The following CSNK1E variants were observed in gnomAD, a reference collection of about 807,000 sequenced individuals.
CSNK1E encodes the protein casein kinase 1 epsilon.
A neutral mutation model predicts 46.1 loss-of-function variants in CSNK1E; 17 were observed. The ratio of observed to expected loss-of-function variants is 0.37; its 90% CI spans 0.25 to 0.55. CSNK1E has a LOEUF of 0.55. Among genes scored for constraint, CSNK1E ranks in the 20% least tolerant of loss-of-function variants. The pLI is 0.82. For synonymous variants in CSNK1E, 241 were observed against 242.6 expected, an observed-to-expected ratio of 0.99 and a Z score of 0.06; for missense variants, 386 against 595.4, an observed-to-expected ratio of 0.65 and a Z score of 3.66.
chr22:38,317,684 C>A (rs1040162517), upstream of CSNK1E, among the ~76,000 whole-genome samples: 3 of 150,926 alleles, frequency 2.0e-5, no homozygotes, highest in African/African-American at 7.3e-5. Flanking sequence ...GCGGGGGGGA[C>A]AGAGGGAAGA....
intron 2 of CSNK1E, among the ~76,000 whole-genome samples, chr22:38,308,768 G>A (rs1240413225): frequency 6.6e-6 from 1 of 152,028 alleles, no homozygotes; most frequent in Non-Finnish European, 1.5e-5. Flanking sequence ...CAGGCTGCAA[G>A]GGCTCCTGGC....
chr22:38,299,396 T>C lies in CSNK1E; in HGVS notation c.737-462A>G, dbSNP rs9622780. Among the ~76,000 whole-genome samples the C allele has an allele frequency of 1.3e-3, 204 of 152,330 alleles. 2 individuals carry two copies. Among genetic ancestry groups the C allele is most frequent in the Middle Eastern group, 0.01 (3 of 294 alleles). ...GCCCTTGGGAGATGAGGCAGGAATG[T>C]AGGCCGGGAAGCAACAGGTGTAACA... On this transcript the variant is annotated intron_variant, in intron 6 of 10. Transcript: ENST00000396832.
At chr22:38,293,891 A>C in intron 9 of CSNK1E, 49 of 542,828 alleles carry the variant, frequency 9.0e-5, no homozygotes, top group Non-Finnish European at 1.2e-4. Flanking sequence ...TTGCCAGGGA[A>C]TGTTACTGCC....
At position 38,307,355 on chromosome 22, in the gene CSNK1E, C is replaced by T. The variant is rs146551706; in HGVS notation, c.77-4107G>A. 3.6e-3 allele frequency among the ~76,000 whole-genome samples: 555 copies of T among 152,150 alleles called. 1 individual carries two copies. The highest frequency in any genetic ancestry group is 0.013 in the African/African-American group (520 of 41,488). On this transcript the variant is annotated intron_variant, in intron 2 of 10. Transcript: ENST00000396832. ...CACCAGGCAAGGAGTTCCAGACCAG[C>T]CTGACCACCATGATGAAACCCCATC...
At chr22:38,299,737 T>A (rs2145834581) in intron 6 of CSNK1E, among the ~76,000 whole-genome samples, 158 bp downstream of exon 6, 2 of 152,366 alleles carry the variant, frequency 1.3e-5, no homozygotes, top group South Asian at 4.1e-4. Context: ...CTCGACCTCC[T>A]GACCTCATGA....
rs372970699 is a variant in CSNK1E at position 38,298,796 on chromosome 22, A to G, written c.875T>C (p.Met292Thr). Residue 292 changes from methionine (M) to threonine (T), a missense_variant, in exon 7 of 11, where the codon ATG becomes ACG. Around this residue, in one of 2 missense-constraint regions of CSNK1E, gnomAD observed 212 missense variants for 410.2 expected, o/e 0.52. Coordinates refer to ENST00000396832, the MANE Select transcript of CSNK1E (RefSeq NM_152221.3). The surrounding 1 kb of genome is among the most constrained non-coding windows in gnomAD (Gnocchi z 4.2). Reference sequence around the variant, plus strand: ...CTCCAGGTGACTCACGAATTTCAGCATGTTCCAGTCAAAGACGTAGTCATA... The same window carrying G: ...CTCCAGGTGACTCACGAATTTCAGCGTGTTCCAGTCAAAGACGTAGTCATA... ...FSYDYVFDWN[M>T]LKFGAARNPE... 3.7e-6 allele frequency: 6 copies of G among 1,614,114 alleles called. No homozygotes were observed. Among genetic ancestry groups the G allele is most frequent in the Non-Finnish European group, 5.1e-6 (6 of 1,179,998 alleles).
Position 38,294,247 on chromosome 22 carries a change from G to A in CSNK1E, c.1080C>T (p.Gly360=), listed in dbSNP as rs746570989. ...GCGAGATCGCTCTGGGAGAAGTATT[G>A]CCTGGAGGGAGAGTGGGAAGCCACC... is the stretch of plus-strand genomic sequence containing the variant. ...STPASRIQPA[G]NTSPRAISRV... The change falls in exon 9 of 11, where the codon GGC becomes GGT. Residue 360 remains glycine (G), a splice_region_variant and synonymous_variant. Transcript: ENST00000396832. This position sits in a 1 kb window ranked among gnomAD's most constrained non-coding sequence, Gnocchi z 5.5. The A allele has an allele frequency of 3.1e-6, 5 of 1,611,470 alleles. No individual in the cohort carries two copies. In the South Asian group the frequency reaches 5.5e-5, roughly 18 times the overall value.
intron 1 of CSNK1E, among the ~76,000 whole-genome samples, chr22:38,314,677 A>T (rs528933796): frequency 6.6e-6 from 1 of 152,294 alleles, no homozygotes; most frequent in African/African-American, 2.4e-5. Flanking sequence ...CCAAGACCTC[A>T]CACGGAGGCC....
At position 38,298,512 on chromosome 22, in the gene CSNK1E, TG is replaced by T; in HGVS notation, c.885+273del. ...GCCGCCAGCACCACCCATGCCCTGCTGCGGGCACCCAGGAGGGACCCCAGGT... is the reference window on the plus strand; with the variant it reads ...GCCGCCAGCACCACCCATGCCCTGCTCGGGCACCCAGGAGGGACCCCAGGT... On this transcript the variant is annotated intron_variant, in intron 7 of 10. Coordinates refer to ENST00000396832, the MANE Select transcript of CSNK1E (RefSeq NM_152221.3). The surrounding 1 kb of genome is among the most constrained non-coding windows in gnomAD (Gnocchi z 4.2). The T allele has an allele frequency of 2.2e-6, 1 of 453,998 alleles. No individual in the cohort carries two copies. 28.1% of individuals were successfully genotyped at this position (453,998 alleles called of 1,614,324 possible). A position where few individuals can be genotyped will look rare whatever the true frequency, so the allele number is the denominator to read the frequency against.
intron 7 of CSNK1E, chr22:38,297,250 G>A (rs2092645846): frequency 2.9e-6 from 2 of 692,816 alleles, no homozygotes; most frequent in African/African-American, 3.5e-5. Flanking sequence ...CGATAAGAAA[G>A]TGCCCAGTGC....
In CSNK1E at chr22:38,300,861, T is replaced by C. The variant is rs748408047; in HGVS notation, c.428A>G (p.Asn143Ser). 3.1e-6 allele frequency: 5 copies of C among 1,614,194 alleles called. No individual in the cohort carries two copies. Among genetic ancestry groups the C allele is most frequent in the Non-Finnish European group, 3.4e-6 (4 of 1,180,026 alleles). Residue 143 changes from asparagine to serine, a missense_variant, in exon 5 of 11, where the codon AAC (asparagine) becomes AGC (serine). Physicochemically the swap from Asn to Ser is conservative, Grantham distance 46. Around this residue, in one of 2 missense-constraint regions of CSNK1E, gnomAD observed 212 missense variants for 410.2 expected, o/e 0.52. Transcript: ENST00000396832. This position sits in a 1 kb window ranked among gnomAD's most constrained non-coding sequence, Gnocchi z 4.4. ...NFLMGLGKKG[N>S]LVYIIDFGLA... ...GCCGAAGTCGATGATGTAGACCAGG[T>C]TGCCCTTCTTCCCCAGCCCCATGAG...
chr22:38,295,372 G>C (rs75738160), intron 7 of CSNK1E: 1 of 979,632 alleles, frequency 1.0e-6, no homozygotes, highest in Non-Finnish European at 1.2e-6. Flanking sequence ...TGGGGGCAGC[G>C]CCCGACTGCG....
chr22:38,313,228 G>A (rs564363431), intron 2 of CSNK1E, among the ~76,000 whole-genome samples: 1 of 152,298 alleles, frequency 6.6e-6, no homozygotes, highest in African/African-American at 2.4e-5. Context: ...TCCAAGGAGG[G>A]TAACCAAGGC....
chr22:38,308,570 T>C (rs564311272), intron 2 of CSNK1E, among the ~76,000 whole-genome samples: 10 of 152,322 alleles, frequency 6.6e-5, no homozygotes, highest in African/African-American at 2.2e-4. Flanking sequence ...TGACACTATC[T>C]GGCTCATTGG....
At chr22:38,297,150 G>A (rs1329798127) in intron 7 of CSNK1E, 2 of 778,974 alleles carry the variant, frequency 2.6e-6, no homozygotes, top group Non-Finnish European at 4.8e-6. Flanking sequence ...CTTGGACAGT[G>A]TCCGTCTAGA....
Position 38,298,300 on chromosome 22 carries a change from C to A in CSNK1E, c.885+486G>T. The A allele has an allele frequency of 3.2e-6, 3 of 928,274 alleles. No homozygotes were observed. The South Asian group carries it at 4.3e-5, about 13-fold the overall frequency. The allele number at this position is 928,274 out of a possible 1,614,324, so 57.5% of individuals were successfully genotyped here. A position where few individuals can be genotyped will look rare whatever the true frequency, so the allele number is the denominator to read the frequency against. On this transcript the variant is annotated intron_variant, in intron 7 of 10. Coordinates refer to ENST00000396832, the MANE Select transcript of CSNK1E (RefSeq NM_152221.3). This position sits in a 1 kb window ranked among gnomAD's most constrained non-coding sequence, Gnocchi z 4.2. ...TGCTGCTCCCCACCCAACCCCACCC[C>A]TGGGACTCTTAAAAGAGGGAAACAG...
intron 1 of CSNK1E, among the ~76,000 whole-genome samples, chr22:38,315,535 C>T (rs1030722555): frequency 7.2e-5 from 11 of 152,142 alleles, no homozygotes; most frequent in South Asian, 2.1e-4. Context: ...GAAACCCACA[C>T]GCCACACATC....
chr22:38,302,819 C>A (rs763588723), intron 4 of CSNK1E, 42 bp downstream of exon 4: 1 of 1,609,502 alleles, frequency 6.2e-7, no homozygotes, highest in East Asian at 2.2e-5. Flanking sequence ...GTATCCTGGG[C>A]CCACAGGCAT....
rs1296909355 is a variant in CSNK1E at position 38,291,556 on chromosome 22, T to G, written c.*415A>C. 6.6e-6 allele frequency: 1 copy of G among 152,288 alleles called. No individual in the cohort carries two copies. Among genetic ancestry groups the G allele is most frequent in the East Asian group, 1.9e-4 (1 of 5,188 alleles). 9.4% of individuals were successfully genotyped at this position (152,288 alleles called of 1,614,324 possible). A position where few individuals can be genotyped will look rare whatever the true frequency, so the allele number is the denominator to read the frequency against. ...TCGGTGGGAACTGCCTTCAACTGAC[T>G]ACACCACTCCCTGATGATGCTTGAG... On this transcript the variant is annotated 3_prime_UTR_variant, in exon 11 of 11. Transcript: ENST00000396832.
Sources: gnomAD v4.1 joint callset for allele counts (sites outside exome capture counted in the v4.1 genomes callset) on GRCh38, gnomAD v4.1.1 for gene constraint, gnomAD v4.1.1 regional missense constraint, Gnocchi (gnomAD v3.1) non-coding constraint, MANE v1.5 for transcripts, NCBI Gene and HGNC (gene_info 2026-07-23, HGNC 2026-07-21) for gene names.